Variants in PAQR5 observed in about 807,000 individuals in gnomAD.
PAQR5 encodes progestin and adipoQ receptor family member 5.
PAQR5 carries 20 observed loss-of-function variants against 34.5 expected under a neutral mutation model. The observed-to-expected ratio is 0.58, with a 90% CI of 0.41 to 0.84. PAQR5 has a LOEUF of 0.84. Among genes scored for constraint, PAQR5 ranks in the 40% least tolerant of loss-of-function variants. The pLI is 0.00. For missense variants in PAQR5, 378 were observed against 412.7 expected (o/e 0.92, Z 0.73); for synonymous variants, 131 against 155.6 (o/e 0.84, Z 1.18).
chr15:69,363,970 G>T (rs2055315819), intron 3 of PAQR5, among the ~76,000 whole-genome samples: 1 of 152,108 alleles, frequency 6.6e-6, no homozygotes, highest in Non-Finnish European at 1.5e-5. Flanking sequence ...TGAGGCAGTG[G>T]TCTACACAGA....
intron 1 of PAQR5, among the ~76,000 whole-genome samples, chr15:69,329,304 C>A (rs190959898): frequency 6.6e-6 from 1 of 152,116 alleles, no homozygotes; most frequent in East Asian, 1.9e-4. Flanking sequence ...AGGTTAAAAA[C>A]CCCCATCCTT....
At chr15:69,351,525 C>T (rs1041712948) in intron 2 of PAQR5, among the ~76,000 whole-genome samples, 1 of 152,252 alleles carries the variant, frequency 6.6e-6, no homozygotes, top group Non-Finnish European at 1.5e-5. Context: ...GCAACTTGCT[C>T]TCAGCTGGCA....
intron 8 of PAQR5, 22 bp from the exon 9 acceptor site, chr15:69,403,559 C>G: frequency 6.2e-7 from 1 of 1,611,572 alleles, no homozygotes; most frequent in Non-Finnish European, 8.5e-7. Context: ...CTGATCTTGA[C>G]GGCCTTTTGT....
intron 1 of PAQR5, among the ~76,000 whole-genome samples, chr15:69,308,718 A>G (rs1258158905): frequency 1.3e-5 from 2 of 152,188 alleles, no homozygotes; most frequent in Non-Finnish European, 2.9e-5. Context: ...TAGTTAGGAT[A>G]CAGCAGGGGT....
rs184121170 is a variant in PAQR5, at chr15:69,327,927, T to C, written c.-276-9414T>C. 3.4e-3 allele frequency among the ~76,000 whole-genome samples: 516 copies of C among 152,142 alleles called. 4 individuals are homozygous for C. The highest frequency in any genetic ancestry group is 6.8e-3 in the Admixed American group (104 of 15,280). On this transcript the variant is annotated intron_variant, in intron 1 of 8. Transcript: ENST00000395407. ...CCGAGTAGTTGGGATTACAGGCTCC[T>C]GCCACCACACCCGGCTAATTTTTTT...
chr15:69,313,662 A>G lies in PAQR5; in HGVS notation c.-277+14606A>G, dbSNP rs994788810. On this transcript the variant is annotated intron_variant, in intron 1 of 8. Transcript: ENST00000395407. Reference sequence around the variant, plus strand: ...GAAGGAAGAGAAAAGGAAGTCCACCAGGGAGGCCCCATTTCCGGCACTCTA... The same window carrying G: ...GAAGGAAGAGAAAAGGAAGTCCACCGGGGAGGCCCCATTTCCGGCACTCTA... Among the ~76,000 whole-genome samples the G allele has an allele frequency of 4.3e-4, 65 of 152,356 alleles. 1 individual carries two copies. Among genetic ancestry groups the G allele is most frequent in the African/African-American group, 1.5e-3 (62 of 41,578 alleles).
chr15:69,357,186 T>C (rs1267562404), intron 2 of PAQR5, among the ~76,000 whole-genome samples: 1 of 152,162 alleles, frequency 6.6e-6, no homozygotes, highest in Non-Finnish European at 1.5e-5. Flanking sequence ...AGTACCATGT[T>C]TCCTGTCCAG....
intron 2 of PAQR5, among the ~76,000 whole-genome samples, chr15:69,341,757 C>A (rs1171662766): frequency 9.2e-5 from 14 of 151,860 alleles, no homozygotes; most frequent in African/African-American, 3.4e-4. Context: ...CCAGCCTGGA[C>A]AATATAGGGA....
intron 7 of PAQR5, among the ~76,000 whole-genome samples, chr15:69,399,682 TAAGTA>T (rs1197060485): frequency 6.6e-6 from 1 of 152,208 alleles, no homozygotes; most frequent in Non-Finnish European, 1.5e-5. Context: ...CCGATTCAGT[TAAGTA>T]AATAAACCAA....
intron 3 of PAQR5, among the ~76,000 whole-genome samples, chr15:69,364,467 TATTATATATGTAATATATATAC>T (rs2055329976): frequency 8.2e-6 from 1 of 122,268 alleles, no homozygotes; most frequent in African/African-American, 3.8e-5. Flanking sequence ...ATGTAATATA[TATTATATATGTAATATATATAC>T]ATTATATATG....
chr15:69,335,246 CT>C (rs368833153), intron 1 of PAQR5, among the ~76,000 whole-genome samples: 46 of 127,910 alleles, frequency 3.6e-4, no homozygotes, highest in Middle Eastern at 4.3e-3. Context: ...GAAATTTTAG[CT>C]TTTTTTTTTT....
chr15:69,386,289 A>C (rs2056107500), intron 5 of PAQR5, among the ~76,000 whole-genome samples: 1 of 151,168 alleles, frequency 6.6e-6, no homozygotes, highest in African/African-American at 2.4e-5. Flanking sequence ...CACACACACC[A>C]CACACACGCT....
In PAQR5 at chr15:69,399,992, G is replaced by GA; in HGVS notation, c.629dup (p.Ser211GlufsTer5). On this transcript the variant is annotated frameshift_variant, in exon 8 of 9. Transcript: ENST00000395407. LOFTEE classifies it high-confidence loss of function. ...CCTGCAGCTATTCCTGTTCCCAGGGGAGAGTGCACAAAATGAAGCCACCTC... is the reference window on the plus strand; with the variant it reads ...CCTGCAGCTATTCCTGTTCCCAGGGGAAGAGTGCACAAAATGAAGCCACCTC... 1 of 1,614,078 alleles carries GA rather than the reference G, an allele frequency of 6.2e-7. No individual in the cohort carries two copies. Among genetic ancestry groups the GA allele is most frequent in the Admixed American group, 1.7e-5 (1 of 60,016 alleles).
chr15:69,404,283 G>A lies in PAQR5; in HGVS notation c.*461G>A. ...GCCAGGTCAGTCACTGGGAGGACCT[G>A]TGAAAGAAAGTTGGTCACTGAGTGC... is the stretch of plus-strand genomic sequence containing the variant. On this transcript the variant is annotated 3_prime_UTR_variant, in exon 9 of 9. Transcript: ENST00000395407. The A allele has an allele frequency of 6.2e-6, 1 of 161,358 alleles. No individual in the cohort carries two copies. Among genetic ancestry groups the A allele is most frequent in the East Asian group, 1.8e-4 (1 of 5,478 alleles). 10.0% of individuals were successfully genotyped at this position (161,358 alleles called of 1,614,324 possible). A position where few individuals can be genotyped will look rare whatever the true frequency, so the allele number is the denominator to read the frequency against.
intron 3 of PAQR5, among the ~76,000 whole-genome samples, chr15:69,361,550 T>C (rs4777137): frequency 0.81 from 122,601 of 152,170 alleles, 52,369 homozygotes; most frequent in Non-Finnish European, 0.96. Context: ...CAGTTCCTCA[T>C]GGCTGTGGAG....
rs1033717930 is a variant in PAQR5 at position 69,306,480 on chromosome 15, C to T, written c.-277+7424C>T. On this transcript the variant is annotated intron_variant, in intron 1 of 8. Transcript: ENST00000395407. Reference sequence around the variant, plus strand: ...AGGCTGGAGTGCAACGGCACCATCTCGGCTCACCGCAACCTCTGCCTCCTG... The same window carrying T: ...AGGCTGGAGTGCAACGGCACCATCTTGGCTCACCGCAACCTCTGCCTCCTG... Among the ~76,000 whole-genome samples, 5 of 145,984 alleles carry T rather than the reference C, an allele frequency of 3.4e-5. No individual in the cohort carries two copies. The East Asian group carries it at 6.0e-4, about 18-fold the overall frequency.
intron 6 of PAQR5, among the ~76,000 whole-genome samples, chr15:69,394,062 TCA>T (rs1294317977): frequency 1.3e-5 from 2 of 151,850 alleles, no homozygotes; most frequent in African/African-American, 4.8e-5. Context: ...TATGGACAAA[TCA>T]CTGTCCATCT....
intron 3 of PAQR5, among the ~76,000 whole-genome samples, chr15:69,364,333 G>T (rs2140861138): frequency 6.6e-6 from 1 of 151,608 alleles, no homozygotes; most frequent in African/African-American, 2.4e-5. Context: ...TAGAAGCAGG[G>T]CTCGGTGGGT....
chr15:69,400,205 G>A, intron 8 of PAQR5, 90 bp downstream of exon 8: 1 of 1,293,004 alleles, frequency 7.7e-7, no homozygotes, highest in Non-Finnish European at 1.1e-6. Context: ...AGCTGCAAAG[G>A]GCAGGGAAGG....
Sources: allele counts gnomAD v4.1 joint callset (sites outside exome capture counted in the v4.1 genomes callset), GRCh38; gene constraint gnomAD v4.1.1; transcripts MANE v1.5; gene names NCBI Gene and HGNC (gene_info 2026-07-23, HGNC 2026-07-21).